FADS3: variants seen among roughly 807,000 people sequenced by gnomAD.
FADS3 encodes fatty acid desaturase 3.
In FADS3, 30 loss-of-function variants were observed where a neutral mutation model predicts 60.4. The observed-to-expected ratio is 0.50, with a 90% CI of 0.37 to 0.67. The LOEUF is 0.67. Among genes scored for constraint, FADS3 ranks in the 30% least tolerant of loss-of-function variants. FADS3 has a pLI of 0.00. For missense variants in FADS3, 432 were observed against 598.3 expected, an observed-to-expected ratio of 0.72 and a Z score of 2.90; for synonymous variants, 234 against 249.3, an observed-to-expected ratio of 0.94 and a Z score of 0.58.
At position 61,876,656 on chromosome 11, in the gene FADS3, AC is replaced by A. The variant is rs1937899683; in HGVS notation, c.984-202del. The A allele has an allele frequency of 6.1e-6, 4 of 655,322 alleles. No individual in the cohort carries two copies. In the East Asian group the frequency reaches 1.1e-4, roughly 18 times the overall value. 40.6% of individuals were successfully genotyped at this position (655,322 alleles called of 1,614,324 possible). The stretch of plus-strand genomic sequence containing the variant: ...AGGCTGAGTCCAGAGCAGCTCCGAC[AC>A]CCACCGGGCCACTTACAAGCCAGGC... On this transcript the variant is annotated intron_variant, in intron 8 of 11. Coordinates refer to ENST00000278829, the MANE Select transcript of FADS3 (RefSeq NM_021727.5). This position sits in a 1 kb window ranked among gnomAD's most constrained non-coding sequence, Gnocchi z 5.7.
At position 61,877,651 on chromosome 11, in the gene FADS3, G is replaced by C. The variant is rs1937958068; in HGVS notation, c.809-64C>G. The stretch of plus-strand genomic sequence containing the variant: ...GGGCTGCCAAGGTGAGTGGGCGCCA[G>C]AGTGAGGGGCTCTGTTACTCCAGGA... On this transcript the variant is annotated intron_variant, in intron 6 of 11. Coordinates refer to ENST00000278829, the MANE Select transcript of FADS3 (RefSeq NM_021727.5). This position sits in a 1 kb window ranked among gnomAD's most constrained non-coding sequence, Gnocchi z 4.7. The C allele has an allele frequency of 1.4e-6, 2 of 1,445,538 alleles. No individual in the cohort carries two copies. Among genetic ancestry groups the C allele is most frequent in the Admixed American group, 1.8e-5 (1 of 54,932 alleles). 89.5% of individuals were successfully genotyped at this position (1,445,538 alleles called of 1,614,324 possible).
At chr11:61,885,545 G>A (rs966183835) in intron 1 of FADS3, among the ~76,000 whole-genome samples, 1 of 152,196 alleles carries the variant, frequency 6.6e-6, no homozygotes, top group African/African-American at 2.4e-5. Context: ...ACAGGTGTCA[G>A]GGAAGAGAGT....
At chr11:61,875,536 A>C (rs1159216074) in intron 11 of FADS3, among the ~76,000 whole-genome samples, 2 of 152,092 alleles carry the variant, frequency 1.3e-5, no homozygotes, top group African/African-American at 4.8e-5. Context: ...CCCGGCCCTG[A>C]GACATGGCTT....
intron 11 of FADS3, among the ~76,000 whole-genome samples, chr11:61,874,192 C>G (rs1937784512): frequency 6.6e-6 from 1 of 152,218 alleles, no homozygotes; most frequent in South Asian, 2.1e-4. Context: ...CGCTGCAACC[C>G]AAGGACAGAG....
chr11:61,875,782 G>C, intron 11 of FADS3, 69 bp downstream of exon 11: 1 of 1,569,882 alleles, frequency 6.4e-7, no homozygotes, highest in South Asian at 1.1e-5. Context: ...GCATGAGGCT[G>C]ACCTGGACAA....
At chr11:61,891,015 C>G (rs1264225944) in intron 1 of FADS3, among the ~76,000 whole-genome samples, 154 bp downstream of exon 1, 2 of 152,236 alleles carry the variant, frequency 1.3e-5, no homozygotes, top group Admixed American at 6.5e-5. Context: ...CTGGCCCTGG[C>G]TAGTCCACCC....
chr11:61,878,670 G>GC (rs1449361971), intron 4 of FADS3, 36 bp from the exon 5 acceptor site: 1 of 1,612,864 alleles, frequency 6.2e-7, no homozygotes, highest in East Asian at 2.2e-5. Context: ...GGCAGGCTGT[G>GC]CCCCCGACTG....
At chr11:61,887,541 C>A (rs1381949999) in intron 1 of FADS3, among the ~76,000 whole-genome samples, 1 of 152,196 alleles carries the variant, frequency 6.6e-6, no homozygotes, top group Non-Finnish European at 1.5e-5. Flanking sequence ...CATGAGCCAG[C>A]CCGGCCGCCT....
At chr11:61,879,638 G>A (rs999137283) in intron 2 of FADS3, 129 bp from the exon 3 acceptor site, 1 of 901,028 alleles carries the variant, frequency 1.1e-6, no homozygotes, top group African/African-American at 1.7e-5. Context: ...AGTGACAAGA[G>A]TACCCAGCCC....
chr11:61,873,738 G>A lies in FADS3; in HGVS notation c.*76C>T. 1 of 1,009,922 alleles carries A rather than the reference G, an allele frequency of 9.9e-7. No homozygotes were observed. Among genetic ancestry groups the A allele is most frequent in the Non-Finnish European group, 1.5e-6 (1 of 650,640 alleles). 62.6% of individuals were successfully genotyped at this position (1,009,922 alleles called of 1,614,324 possible). On this transcript the variant is annotated 3_prime_UTR_variant, in exon 12 of 12. Transcript: ENST00000278829. ...CCCCCAGGCTGGCCAGTGGAGGGGT[G>A]AGGGTATCGATCCCGCCGGGGGCTG...
rs1391697434 is a variant in FADS3, at chr11:61,891,302, T to C, written c.80A>G (p.Gln27Arg). 13 of 1,530,154 alleles carry C rather than the reference T, an allele frequency of 8.5e-6. No homozygotes were observed. The highest frequency in any genetic ancestry group is 1.1e-5 in the Non-Finnish European group (13 of 1,142,586). The allele number at this position is 1,530,154 out of a possible 1,614,324, so 94.8% of individuals were successfully genotyped here. A position where few individuals can be genotyped will look rare whatever the true frequency, so the allele number is the denominator to read the frequency against. Residue 27 changes from glutamine to arginine, a missense_variant, in exon 1 of 12, where the codon CAG becomes CGG. Gln to Arg is a conservative substitution (Grantham distance 43). This residue lies in a region of FADS3 where 167 missense variants were observed against 188.8 expected (regional missense o/e 0.88). Transcript: ENST00000278829. ...GCCGGGCTGGTCGTGCGCGCGGATCTGCTCCCAGCAGAAGGTGGGCAGCGG... is the reference window on the plus strand; with the variant it reads ...GCCGGGCTGGTCGTGCGCGCGGATCCGCTCCCAGCAGAAGGTGGGCAGCGG... ...GAPLPTFCWE[Q>R]IRAHDQPGDK...
At chr11:61,878,007 G>T in intron 6 of FADS3, 148 bp downstream of exon 6, 1 of 734,726 alleles carries the variant, frequency 1.4e-6, no homozygotes, top group South Asian at 1.6e-5. Context: ...AGTGTGTACA[G>T]ACTGCAGAGG....
At chr11:61,880,756 T>A (rs918615385) in intron 1 of FADS3, 4 of 12,128 alleles carry the variant, frequency 3.3e-4, no homozygotes, top group Non-Finnish European at 9.6e-4. Flanking sequence ...CAAAACATAA[T>A]TTTTTTTTTT....
At chr11:61,878,689 C>A (rs1404768383) in intron 4 of FADS3, 55 bp from the exon 5 acceptor site, 3 of 1,612,364 alleles carry the variant, frequency 1.9e-6, no homozygotes, top group Non-Finnish European at 1.7e-6. Context: ...TGTGCCCACA[C>A]ACTTGGGCAG....
chr11:61,879,488 G>A lies in FADS3; in HGVS notation c.346C>T (p.Arg116Ter), dbSNP rs765702151. ...TCCTCGGCTGCCTGGTGCAGGGCTCGGAAGTCCTCGACCAGCTGCGCCTGC... is the reference window on the plus strand; with the variant it reads ...TCCTCGGCTGCCTGGTGCAGGGCTCAGAAGTCCTCGACCAGCTGCGCCTGC... Reference protein sequence around the residue: ...PLNAQLVEDFRALHQAAEDMK... With the variant: ...PLNAQLVEDF Residue 116 changes from arginine to a stop codon, truncating the protein, a stop_gained, in exon 3 of 12, where the codon CGA (arginine) becomes TGA (stop). Coordinates refer to ENST00000278829, the MANE Select transcript of FADS3 (RefSeq NM_021727.5). LOFTEE classifies it high-confidence loss of function. 3.1e-6 allele frequency: 5 copies of A among 1,591,072 alleles called. No individual in the cohort carries two copies. Among genetic ancestry groups the A allele is most frequent in the East Asian group, 2.3e-5 (1 of 43,880 alleles).
chr11:61,876,814 G>T lies in FADS3; in HGVS notation c.983+52C>A. On this transcript the variant is annotated intron_variant, in intron 8 of 11. Transcript: ENST00000278829. This position sits in a 1 kb window ranked among gnomAD's most constrained non-coding sequence, Gnocchi z 5.7. ...AAAAGGGAAGCTCTGGTGGGGGGCT[G>T]CAGTGGGGGTCACCTGTCGCCTGTG... The T allele has an allele frequency of 7.3e-7, 1 of 1,366,478 alleles. No homozygotes were observed. The highest frequency in any genetic ancestry group is 1.0e-6 in the Non-Finnish European group (1 of 975,020). The allele number at this position is 1,366,478 out of a possible 1,614,324, so 84.6% of individuals were successfully genotyped here. A position where few individuals can be genotyped will look rare whatever the true frequency, so the allele number is the denominator to read the frequency against.
intron 1 of FADS3, among the ~76,000 whole-genome samples, chr11:61,889,656 G>A (rs966275478): frequency 6.6e-6 from 1 of 151,632 alleles, no homozygotes; most frequent in African/African-American, 2.4e-5. Context: ...CCGGCGGTTG[G>A]TGGGGAGTAA....
At position 61,875,906 on chromosome 11, in the gene FADS3, G is replaced by A. The variant is rs977435951; in HGVS notation, c.1231C>T (p.His411Tyr). 5.6e-6 allele frequency: 9 copies of A among 1,613,826 alleles called. No individual in the cohort carries two copies. The highest frequency in any genetic ancestry group is 2.7e-5 in the African/African-American group (2 of 75,062). Residue 411 changes from histidine (H) to tyrosine (Y), a missense_variant, in exon 11 of 12, where the codon CAC (histidine) becomes TAC (tyrosine). By Grantham distance (83) the His-to-Tyr change is moderately conservative (BLOSUM62 2). Coordinates refer to ENST00000278829, the MANE Select transcript of FADS3 (RefSeq NM_021727.5). ...APLVKSLCAKHGLSYEVKPFL... is the reference protein window; with the variant it reads ...APLVKSLCAKYGLSYEVKPFL... ...GGCTTCACTTCGTAGCTGAGGCCGT[G>A]CTTGGCACACAGCGACTTGACCAGC...
intron 3 of FADS3, 73 bp downstream of exon 3, chr11:61,879,239 C>T: frequency 6.8e-6 from 9 of 1,325,416 alleles, no homozygotes. Context: ...CAAATATGTT[C>T]ACAATGCCCA....
Sources: allele counts gnomAD v4.1 joint callset (sites outside exome capture counted in the v4.1 genomes callset), GRCh38; gene constraint gnomAD v4.1.1; regional missense constraint gnomAD v4.1.1; non-coding constraint Gnocchi (gnomAD v3.1); transcripts MANE v1.5; gene names NCBI Gene and HGNC (gene_info 2026-07-23, HGNC 2026-07-21).